DDX25: variants seen among roughly 807,000 people sequenced by gnomAD.
DDX25 encodes the protein DEAD-box helicase 25, also known as ATP-dependent RNA helicase DDX25.
In DDX25, 70 loss-of-function variants were observed where a neutral mutation model predicts 64.6. The ratio of observed to expected loss-of-function variants is 1.08; its 90% CI spans 0.89 to 1.32. The LOEUF (loss-of-function observed/expected upper bound fraction) is 1.32, where lower values mean the gene tolerates loss of function less well. Ranked by LOEUF, DDX25 falls within the 40% of genes most tolerant of loss-of-function variation. The probability of loss-of-function intolerance (pLI) is 0.00; values close to 1 mark genes in which losing one functional copy is unlikely to be tolerated. For missense variants in DDX25, 587 were observed against 604.4 expected (o/e 0.97, Z 0.30); for synonymous variants, 211 against 213.3 (o/e 0.99, Z 0.09).
chr11:125,917,100 AC>A lies in DDX25; in HGVS notation c.890del (p.Pro297LeufsTer13). On this transcript the variant is annotated frameshift_variant, in exon 9 of 12. Coordinates refer to ENST00000263576, the MANE Select transcript of DDX25 (RefSeq NM_013264.5). LOFTEE classifies it high-confidence loss of function. ...CACTTTGCTGAGCGAATCATCCCTG[AC>A]CCTAATGTTATCAAGTTACGCAAAG... The part of the protein sequence containing the change: ...VWHFAERIIP[D>X]PNVIKLRKEE... 6.2e-7 allele frequency: 1 copy of A among 1,610,618 alleles called. No homozygotes were observed. The highest frequency in any genetic ancestry group is 8.5e-7 in the Non-Finnish European group (1 of 1,178,782).
chr11:125,917,518 C>G (rs977113619), intron 9 of DDX25, among the ~76,000 whole-genome samples: 3 of 152,212 alleles, frequency 2.0e-5, no homozygotes, highest in Non-Finnish European at 1.5e-5. Flanking sequence ...CCCATTTCAG[C>G]TTATGTTTAT....
Position 125,928,701 on chromosome 11 carries a change from A to C in DDX25, c.*5820A>C, listed in dbSNP as rs1386613124. 6.6e-6 allele frequency: 1 copy of C among 152,216 alleles called. No homozygotes were observed. The highest frequency in any genetic ancestry group is 1.5e-5 in the Non-Finnish European group (1 of 68,024). The allele number at this position is 152,216 out of a possible 1,614,324, so 9.4% of individuals were successfully genotyped here. ...AAGATTATATTTTTTAAAGTGGTTC[A>C]TCATTTGAAAAGCATCTGTAGTGTT... is the stretch of plus-strand genomic sequence containing the variant. On this transcript the variant is annotated 3_prime_UTR_variant, in exon 12 of 12. Transcript: ENST00000263576.
At position 125,925,262 on chromosome 11, in the gene DDX25, T is replaced by C. The variant is rs2134288924; in HGVS notation, c.*2381T>C. On this transcript the variant is annotated 3_prime_UTR_variant, in exon 12 of 12. Transcript: ENST00000263576. ...CCGCCAGTTACCCTCACAAATGTCC[T>C]CAGTAATTTTTGTTTGGCAGCTGTT... 1 of 370,534 alleles carries C rather than the reference T, an allele frequency of 2.7e-6. No individual in the cohort carries two copies. The highest frequency in any genetic ancestry group is 2.0e-5 in the South Asian group (1 of 50,528). The allele number at this position is 370,534 out of a possible 1,614,324, so 23.0% of individuals were successfully genotyped here.
intron 8 of DDX25, among the ~76,000 whole-genome samples, chr11:125,913,486 C>G (rs1449637720): frequency 6.6e-6 from 1 of 152,102 alleles, no homozygotes; most frequent in Non-Finnish European, 1.5e-5. Context: ...CTGTGTCATT[C>G]TCTCTCTAAA....
chr11:125,917,385 G>C (rs1171505086), intron 9 of DDX25, 134 bp downstream of exon 9: 1 of 783,226 alleles, frequency 1.3e-6, no homozygotes, highest in African/African-American at 1.7e-5. Flanking sequence ...CTTCAGAACA[G>C]CTCTAAACAG....
rs1945177469 is a variant in DDX25, at chr11:125,927,439, T to A, written c.*4558T>A. The A allele has an allele frequency of 6.6e-6, 1 of 152,256 alleles. No individual in the cohort carries two copies. The highest frequency in any genetic ancestry group is 2.4e-5 in the African/African-American group (1 of 41,474). The allele number at this position is 152,256 out of a possible 1,614,324, so 9.4% of individuals were successfully genotyped here. On this transcript the variant is annotated 3_prime_UTR_variant, in exon 12 of 12. Transcript: ENST00000263576. ...AGAACTGAAAGTTTTCATAAGTCTC[T>A]AGAGAAGCGTGGCAACTATCTGTAG...
chr11:125,923,196 G>T lies in DDX25; in HGVS notation c.*315G>T. The T allele has an allele frequency of 4.4e-6, 1 of 229,146 alleles. No homozygotes were observed. The highest frequency in any genetic ancestry group is 8.5e-6 in the Non-Finnish European group (1 of 117,546). 14.2% of individuals were successfully genotyped at this position (229,146 alleles called of 1,614,324 possible). ...AATCTGAGCAGATCGTGCCTCTTGG[G>T]AGCATCTTACTGTGTCACAAGAGGG... On this transcript the variant is annotated 3_prime_UTR_variant, in exon 12 of 12. Coordinates refer to ENST00000263576, the MANE Select transcript of DDX25 (RefSeq NM_013264.5).
chr11:125,907,574 C>T (rs963877946), intron 4 of DDX25, among the ~76,000 whole-genome samples: 1 of 151,954 alleles, frequency 6.6e-6, no homozygotes, highest in Admixed American at 6.6e-5. Flanking sequence ...CGCCACTGCA[C>T]TCCAGCCTGG....
At position 125,911,521 on chromosome 11, in the gene DDX25, C is replaced by G. The variant is rs752662473; in HGVS notation, c.800+33C>G. The G allele has an allele frequency of 2.5e-6, 4 of 1,595,888 alleles. No individual in the cohort carries two copies. In the African/African-American group the frequency reaches 5.4e-5, roughly 21 times the overall value. ...TCAGAGTCTTCCTCTCTTCCTCAGC[C>G]TTCTGTCCAGATGGGGAATTTCATT... is the stretch of plus-strand genomic sequence containing the variant. On this transcript the variant is annotated intron_variant, in intron 8 of 11. Coordinates refer to ENST00000263576, the MANE Select transcript of DDX25 (RefSeq NM_013264.5).
chr11:125,918,900 A>G (rs1391972857), intron 10 of DDX25, 110 bp downstream of exon 10: 10 of 1,265,068 alleles, frequency 7.9e-6, no homozygotes, highest in African/African-American at 1.5e-5. Context: ...TGCAGCTATC[A>G]CTGTCATCAA....
Position 125,918,738 on chromosome 11 carries a change from G to A in DDX25, c.1149G>A (p.Arg383=), listed in dbSNP as rs1312455802. 49 of 1,611,072 alleles carry A rather than the reference G, an allele frequency of 3.0e-5. No homozygotes were observed. Among genetic ancestry groups the A allele is most frequent in the Non-Finnish European group, 4.2e-5 (49 of 1,178,670 alleles). The change falls in exon 10 of 12, where the codon AGG becomes AGA. Residue 383 remains arginine, a synonymous_variant. Coordinates refer to ENST00000263576, the MANE Select transcript of DDX25 (RefSeq NM_013264.5). The part of the protein sequence containing the change: ...TVEQRASIIQ[R]FRDGKEKVLI... ...AGCAGCGAGCTTCCATCATTCAGAG[G>A]TTTCGGGATGGGAAAGAGAAGGTTC... is the stretch of plus-strand genomic sequence containing the variant.
intron 9 of DDX25, 110 bp downstream of exon 9, chr11:125,917,361 G>C (rs1388568462): frequency 1.0e-6 from 1 of 989,506 alleles, no homozygotes; most frequent in African/African-American, 1.6e-5. Flanking sequence ...CTTCTTGTGT[G>C]TCTCCAGTTT....
At position 125,911,328 on chromosome 11, in the gene DDX25, A is replaced by G. The variant is rs1430532000; in HGVS notation, c.640A>G (p.Ile214Val). The part of the protein sequence containing the change: ...RGNRIPRGTD[I>V]TKQIIIGTPG... ...CTCCCCAGTTCCCAGAGGCACCGAC[A>G]TCACTAAACAGATTATAATTGGCAC... Residue 214 changes from isoleucine to valine, a missense_variant, in exon 8 of 12, where the codon ATC (isoleucine) becomes GTC (valine). By Grantham distance (29) the Ile-to-Val change is conservative (BLOSUM62 3). Coordinates refer to ENST00000263576, the MANE Select transcript of DDX25 (RefSeq NM_013264.5). The G allele has an allele frequency of 3.1e-6, 5 of 1,611,546 alleles. No homozygotes were observed. Among genetic ancestry groups the G allele is most frequent in the South Asian group, 1.1e-5 (1 of 90,372 alleles).
rs537724472 is a variant in DDX25 at position 125,919,588 on chromosome 11, G to A, written c.1201+798G>A. Among the ~76,000 whole-genome samples, 91 of 140,472 alleles carry A rather than the reference G, an allele frequency of 6.5e-4. 1 individual carries two copies. In the Middle Eastern group the frequency reaches 0.016, roughly 24 times the overall value. The allele number at this position is 140,472 out of a possible 152,430, so 92.2% of individuals were successfully genotyped here. A position where few individuals can be genotyped will look rare whatever the true frequency, so the allele number is the denominator to read the frequency against. Reference sequence around the variant, plus strand: ...TTTTTTTTCAAGAGAAGGGCCTTCCGGCTTTCTTCATCCCTCCTAAATCAT... The same window carrying A: ...TTTTTTTTCAAGAGAAGGGCCTTCCAGCTTTCTTCATCCCTCCTAAATCAT... On this transcript the variant is annotated intron_variant, in intron 10 of 11. Transcript: ENST00000263576.
chr11:125,903,335 C>G (rs140951817), upstream of DDX25: 1 of 646,848 alleles, frequency 1.5e-6, no homozygotes, highest in African/African-American at 2.0e-5. Context: ...TCTAGTCCAG[C>G]TACCGTTTCT....
chr11:125,921,430 G>C lies in DDX25; in HGVS notation c.1390+51G>C. ...GAACTACAGACCTGCCGGTCTGACAGTGATGATGTGTGCTGGAGAGCTGGA... is the reference window on the plus strand; with the variant it reads ...GAACTACAGACCTGCCGGTCTGACACTGATGATGTGTGCTGGAGAGCTGGA... On this transcript the variant is annotated intron_variant, in intron 11 of 11. Coordinates refer to ENST00000263576, the MANE Select transcript of DDX25 (RefSeq NM_013264.5). This position sits in a 1 kb window ranked among gnomAD's most constrained non-coding sequence, Gnocchi z 4.1. The C allele has an allele frequency of 6.3e-7, 1 of 1,576,528 alleles. No individual in the cohort carries two copies. Among genetic ancestry groups the C allele is most frequent in the Non-Finnish European group, 8.6e-7 (1 of 1,158,856 alleles).
Position 125,921,256 on chromosome 11 carries a change from C to A in DDX25, c.1267C>A (p.Pro423Thr), listed in dbSNP as rs1387318214. 17 of 1,612,986 alleles carry A rather than the reference C, an allele frequency of 1.1e-5. No individual in the cohort carries two copies. Among genetic ancestry groups the A allele is most frequent in the Non-Finnish European group, 1.3e-5 (15 of 1,179,584 alleles). Residue 423 changes from proline (P) to threonine (T), a missense_variant, in exon 11 of 12, where the codon CCG (proline) becomes ACG (threonine). Coordinates refer to ENST00000263576, the MANE Select transcript of DDX25 (RefSeq NM_013264.5). This position sits in a 1 kb window ranked among gnomAD's most constrained non-coding sequence, Gnocchi z 4.1. ...TCTCCCTGTAAAACAAGGAGAGGAG[C>A]CGGACTATGAGACCTACCTCCACCG... is the stretch of plus-strand genomic sequence containing the variant. ...FDLPVKQGEE[P>T]DYETYLHRIG...
At chr11:125,910,613 T>C in intron 7 of DDX25, 135 bp downstream of exon 7, 3 of 773,292 alleles carry the variant, frequency 3.9e-6, no homozygotes, top group Non-Finnish European at 6.4e-6. Context: ...GAGTTGTTAT[T>C]AGAATTGAGA....
chr11:125,924,933 A>G lies in DDX25; in HGVS notation c.*2052A>G, dbSNP rs984790472. ...GCTGGTGATCACTCTTGTCCACTCA[A>G]TACCCCTAACACAGTGCCCAGTGCA... On this transcript the variant is annotated 3_prime_UTR_variant, in exon 12 of 12. Coordinates refer to ENST00000263576, the MANE Select transcript of DDX25 (RefSeq NM_013264.5). The G allele has an allele frequency of 5.2e-5, 8 of 154,302 alleles. No homozygotes were observed. The highest frequency in any genetic ancestry group is 1.7e-4 in the African/African-American group (7 of 41,452). 9.6% of individuals were successfully genotyped at this position (154,302 alleles called of 1,614,324 possible).
Sources: gnomAD v4.1 joint callset for allele counts (sites outside exome capture counted in the v4.1 genomes callset) on GRCh38, gnomAD v4.1.1 for gene constraint, Gnocchi (gnomAD v3.1) non-coding constraint, MANE v1.5 for transcripts, NCBI Gene and HGNC (gene_info 2026-07-23, HGNC 2026-07-21) for gene names.